ASPM: variants seen among roughly 807,000 people sequenced by gnomAD.
ASPM encodes the protein abnormal spindle-like microcephaly-associated protein.
In ASPM, 256 loss-of-function variants were observed where a neutral mutation model predicts 366.4. The ratio of observed to expected loss-of-function variants is 0.70; its 90% CI spans 0.63 to 0.77. The LOEUF (loss-of-function observed/expected upper bound fraction) is 0.77. Ranked by LOEUF, ASPM falls within the 30% of genes least tolerant of loss-of-function variation. The pLI, the probability that ASPM is intolerant of heterozygous loss-of-function variation, is 0.00. For missense variants in ASPM, 4,146 were observed against 4,090.4 expected (o/e 1.01, Z -0.37); for synonymous variants, 1,414 against 1,342.9 (o/e 1.05, Z -1.16).
chr1:197,097,103 T>TCCTTAGC (rs1460979872), intron 18 of ASPM, among the ~76,000 whole-genome samples: 1 of 151,420 alleles, frequency 6.6e-6, no homozygotes, highest in Non-Finnish European at 1.5e-5. Flanking sequence ...AGGGCTGGAG[T>TCCTTAGC]CCTTTAAAAT....
chr1:197,129,301 C>T lies in ASPM; in HGVS notation c.2646G>A (p.Leu882=), dbSNP rs1390379305. 1 of 1,612,926 alleles carries T rather than the reference C, an allele frequency of 6.2e-7. No individual in the cohort carries two copies. Among genetic ancestry groups the T allele is most frequent in the South Asian group, 1.1e-5 (1 of 91,030 alleles). The change falls in exon 9 of 28, where the codon TTG becomes TTA. Residue 882 remains leucine (L), a synonymous_variant. Coordinates refer to ENST00000367409, the MANE Select transcript of ASPM (RefSeq NM_018136.5). The part of the protein sequence containing the change: ...HLYRDGHEEA[L]SKFTLKKLLL... ...ATAACTTTTTCAATGTAAACTTGGA[C>T]AAAGCTTCTTCATGACCTTAAATAA...
chr1:197,084,223 A>G lies in ASPM; in HGVS notation c.*101T>C. ...GTTTATGTTTTTTTAAAACAAAGTCAGATTTTAAAAGTTGTACACGGAGAG... is the reference window on the plus strand; with the variant it reads ...GTTTATGTTTTTTTAAAACAAAGTCGGATTTTAAAAGTTGTACACGGAGAG... On this transcript the variant is annotated 3_prime_UTR_variant, in exon 28 of 28. Transcript: ENST00000367409. The G allele has an allele frequency of 1.2e-6, 1 of 819,904 alleles. No individual in the cohort carries two copies. The highest frequency in any genetic ancestry group is 2.0e-6 in the Non-Finnish European group (1 of 494,236). 50.8% of individuals were successfully genotyped at this position (819,904 alleles called of 1,614,324 possible). A position where few individuals can be genotyped will look rare whatever the true frequency, so the allele number is the denominator to read the frequency against.
intron 12 of ASPM, among the ~76,000 whole-genome samples, 182 bp downstream of exon 12, chr1:197,124,688 A>AATAT (rs34471103): frequency 3.3e-5 from 5 of 151,140 alleles, no homozygotes; most frequent in Admixed American, 1.3e-4. Flanking sequence ...ATTAGATTGA[A>AATAT]ATATATATAT....
At position 197,144,055 on chromosome 1, in the gene ASPM, C is replaced by T. The variant is rs1658691622; in HGVS notation, c.343G>A (p.Glu115Lys). Reference sequence around the variant, plus strand: ...GTCATAATCTCTCTTACTCGGCCTTCTTTGAGTGGTGTCCAGTTAACAGAA... The same window carrying T: ...GTCATAATCTCTCTTACTCGGCCTTTTTTGAGTGGTGTCCAGTTAACAGAA... The part of the protein sequence containing the change: ...VISVNWTPLK[E>K]GRVREIMTFL... Residue 115 changes from glutamate to lysine, a missense_variant, in exon 2 of 28, where the codon GAA becomes AAA. Glu to Lys is a moderately conservative substitution (Grantham distance 56, BLOSUM62 1). This residue lies in a region of ASPM where 512 missense variants were observed against 471.7 expected (regional missense o/e 1.09). Transcript: ENST00000367409. 4 of 1,609,792 alleles carry T rather than the reference C, an allele frequency of 2.5e-6. No individual in the cohort carries two copies. The highest frequency in any genetic ancestry group is 2.5e-6 in the Non-Finnish European group (3 of 1,176,508).
At chr1:197,123,931 A>C (rs772535434) in intron 13 of ASPM, among the ~76,000 whole-genome samples, 179 bp downstream of exon 13, 1 of 152,100 alleles carries the variant, frequency 6.6e-6, no homozygotes, top group Non-Finnish European at 1.5e-5. Context: ...GTATCACACA[A>C]TTGGTGATAG....
intron 4 of ASPM, 23 bp from the exon 5 acceptor site, chr1:197,135,265 G>A: frequency 6.2e-7 from 1 of 1,612,428 alleles, no homozygotes; most frequent in Non-Finnish European, 8.5e-7. Context: ...TTAGGTTACT[G>A]CATAACAAAA....
rs761923598 is a variant in ASPM, at chr1:197,103,656, A to T, written c.5595T>A (p.His1865Gln). ...QRWYRAYKTL[H>Q]DTRTHFLKTK... The stretch of plus-strand genomic sequence containing the variant: ...TCTTCAAAAAATGTGTTCTTGTATC[A>T]TGAAGAGTCTTGTACGCCCTGTACC... Residue 1865 changes from histidine to glutamine, a missense_variant, in exon 18 of 28, where the codon CAT (histidine) becomes CAA (glutamine). Physicochemically the swap from His to Gln is conservative, Grantham distance 24. This residue lies in a region of ASPM where 3,624 missense variants were observed against 3,591.7 expected (regional missense o/e 1.01). Transcript: ENST00000367409. 3 of 1,612,960 alleles carry T rather than the reference A, an allele frequency of 1.9e-6. No individual in the cohort carries two copies. The highest frequency in any genetic ancestry group is 1.7e-5 in the Admixed American group (1 of 59,776).
chr1:197,093,100 A>C lies in ASPM; in HGVS notation c.9246T>G (p.Ser3082=), dbSNP rs201050851. 6.2e-7 allele frequency: 1 copy of C among 1,612,072 alleles called. No individual in the cohort carries two copies. Among genetic ancestry groups the C allele is most frequent in the Non-Finnish European group, 8.5e-7 (1 of 1,178,764 alleles). The change falls in exon 21 of 28, where the codon TCT becomes TCG. Residue 3082 remains serine (S), a synonymous_variant. Transcript: ENST00000367409. ...ERIKYIEFKK[S]TVILQALVRG... is the part of the protein sequence containing the mutation. ...GCACCAGTGCTTGTAGGATAACTGT[A>C]GATTTTTTAAATTCAATATATTTTA...
intron 8 of ASPM, 22 bp from the exon 9 acceptor site, chr1:197,129,339 C>T (rs761320826): frequency 6.2e-6 from 10 of 1,608,972 alleles, no homozygotes; most frequent in Non-Finnish European, 8.5e-6. Context: ...TACAAAAAAG[C>T]ACAGCAAGTT....
chr1:197,113,505 T>G (rs1259991835), intron 17 of ASPM, among the ~76,000 whole-genome samples: 1 of 152,166 alleles, frequency 6.6e-6, no homozygotes, highest in Non-Finnish European at 1.5e-5. Context: ...ACAAATCATC[T>G]AAAAATTAGT....
chr1:197,122,137 T>G, intron 15 of ASPM, 22 bp downstream of exon 15: 1 of 1,596,756 alleles, frequency 6.3e-7, no homozygotes, highest in Non-Finnish European at 8.6e-7. Flanking sequence ...AATTAATAAT[T>G]AGAAACTCTT....
chr1:197,105,256 T>C (rs1657376627), intron 17 of ASPM, 71 bp from the exon 18 acceptor site: 1 of 1,157,356 alleles, frequency 8.6e-7, no homozygotes, highest in Non-Finnish European at 1.3e-6. Flanking sequence ...TTCAAAATAC[T>C]AATTTTTCTA....
chr1:197,094,791 A>G lies in ASPM; in HGVS notation c.8988-611T>C, dbSNP rs974264936. Among the ~76,000 whole-genome samples, 5 of 151,742 alleles carry G rather than the reference A, an allele frequency of 3.3e-5. No homozygotes were observed. In the Admixed American group the frequency reaches 3.3e-4, roughly 10 times the overall value. Reference sequence around the variant, plus strand: ...GGACAGGTTTTCTACTCTGTTCTTGATAATGTGGAAAAAGTACAATGAGTA... The same window carrying G: ...GGACAGGTTTTCTACTCTGTTCTTGGTAATGTGGAAAAAGTACAATGAGTA... On this transcript the variant is annotated intron_variant, in intron 19 of 27. Coordinates refer to ENST00000367409, the MANE Select transcript of ASPM (RefSeq NM_018136.5).
chr1:197,118,340 G>C (rs1050408143), intron 16 of ASPM, among the ~76,000 whole-genome samples: 4 of 152,080 alleles, frequency 2.6e-5, no homozygotes, highest in Non-Finnish European at 5.9e-5. Flanking sequence ...TAACTTTTAG[G>C]AAAGGGGAGG....
intron 13 of ASPM, among the ~76,000 whole-genome samples, chr1:197,122,936 T>G (rs1397179726): frequency 1.3e-5 from 2 of 152,058 alleles, no homozygotes; most frequent in East Asian, 3.9e-4. Flanking sequence ...GAGAGTGGAT[T>G]CTCGTTATTT....
In ASPM at chr1:197,102,490, T is replaced by C. The variant is rs1290439314; in HGVS notation, c.6761A>G (p.Lys2254Arg). Residue 2254 changes from lysine (K) to arginine (R), a missense_variant, in exon 18 of 28, where the codon AAA (lysine) becomes AGA (arginine). Transcript: ENST00000367409. Reference protein sequence around the residue: ...IYIQAIFRGKKARRHLKMMHI... With the variant: ...IYIQAIFRGKRARRHLKMMHI... Reference sequence around the variant, plus strand: ...CATCATTTTTAAATGTCTTCTAGCTTTCTTTCCCCTAAAAATAGCCTGAAT... The same window carrying C: ...CATCATTTTTAAATGTCTTCTAGCTCTCTTTCCCCTAAAAATAGCCTGAAT... The C allele has an allele frequency of 4.3e-6, 7 of 1,612,618 alleles. No homozygotes were observed. Among genetic ancestry groups the C allele is most frequent in the Non-Finnish European group, 5.9e-6 (7 of 1,179,290 alleles).
chr1:197,101,808 T>C lies in ASPM; in HGVS notation c.7443A>G (p.Gln2481=), dbSNP rs746554878. Reference sequence around the variant, plus strand: ...TAGCCTGAATGAGAACTGCAGCCCTTTGCATTTCTTGTAACTTCTTCTTTA... The same window carrying C: ...TAGCCTGAATGAGAACTGCAGCCCTCTGCATTTCTTGTAACTTCTTCTTTA... ...LMVKKKLQEM[Q]RAAVLIQATF... Residue 2481 remains glutamine (Q), a synonymous_variant, in exon 18 of 28, where the codon CAA becomes CAG. Transcript: ENST00000367409. 6.2e-7 allele frequency: 1 copy of C among 1,612,848 alleles called. No individual in the cohort carries two copies. The highest frequency in any genetic ancestry group is 1.1e-5 in the South Asian group (1 of 91,054).
Position 197,102,122 on chromosome 1 carries a change from G to GCAGT in ASPM, c.7125_7128dup (p.Gln2377ThrfsTer26), listed in dbSNP as rs587783263. The GCAGT allele has an allele frequency of 2.5e-6, 4 of 1,612,928 alleles. No individual in the cohort carries two copies. The South Asian group carries it at 3.3e-5, about 13-fold the overall frequency. ...CTTTGTCTGAGATAATGCTGCCTCT[G>GCAGT]CAGTTTTGCAGCTCTATTTGCTTGG... On this transcript the variant is annotated frameshift_variant, in exon 18 of 28. Coordinates refer to ENST00000367409, the MANE Select transcript of ASPM (RefSeq NM_018136.5). LOFTEE classifies it high-confidence loss of function.
chr1:197,142,319 A>C lies in ASPM; in HGVS notation c.1921+12T>G. 1 of 1,612,856 alleles carries C rather than the reference A, an allele frequency of 6.2e-7. No individual in the cohort carries two copies. Among genetic ancestry groups the C allele is most frequent in the Non-Finnish European group, 8.5e-7 (1 of 1,179,130 alleles). ...CAGGTATACTTCAGTAGATTTTATA[A>C]ACAAGACTCACCAGTTTTCTTCTTC... On this transcript the variant is annotated intron_variant, in intron 3 of 27. Coordinates refer to ENST00000367409, the MANE Select transcript of ASPM (RefSeq NM_018136.5).
Sources: gnomAD v4.1 joint callset for allele counts (sites outside exome capture counted in the v4.1 genomes callset) on GRCh38, gnomAD v4.1.1 for gene constraint, gnomAD v4.1.1 regional missense constraint, MANE v1.5 for transcripts, NCBI Gene and HGNC (gene_info 2026-07-23, HGNC 2026-07-21) for gene names.